The following ST8SIA5 variants were observed in gnomAD, a reference collection of about 807,000 sequenced individuals.
ST8SIA5 encodes ST8 alpha-N-acetyl-neuraminide alpha-2,8-sialyltransferase 5.
ST8SIA5 carries 24 observed loss-of-function variants against 40.2 expected under a neutral mutation model. That is an observed-to-expected ratio of 0.60 (90% confidence interval 0.43 to 0.84). ST8SIA5 has a LOEUF of 0.84. ST8SIA5 is among the 40% of genes least tolerant of loss of function. The pLI is 0.00. For synonymous variants in ST8SIA5, 198 were observed against 201.8 expected (o/e 0.98, Z 0.16); for missense variants, 465 against 498.5 (o/e 0.93, Z 0.64).
At chr18:46,723,925 TA>T (rs879694921) in intron 1 of ST8SIA5, among the ~76,000 whole-genome samples, 361 of 140,658 alleles carry the variant, frequency 2.6e-3, no homozygotes, top group Middle Eastern at 3.6e-3. Flanking sequence ...AAACTCCATC[TA>T]AAAAAAAAAA....
chr18:46,673,861 T>C lies in ST8SIA5; in HGVS notation c.*6181A>G, dbSNP rs1210539782. 1 of 152,266 alleles carries C rather than the reference T, an allele frequency of 6.6e-6. No homozygotes were observed. The highest frequency in any genetic ancestry group is 2.4e-5 in the African/African-American group (1 of 41,440). 9.4% of individuals were successfully genotyped at this position (152,266 alleles called of 1,614,324 possible). A position where few individuals can be genotyped will look rare whatever the true frequency, so the allele number is the denominator to read the frequency against. ...ATAGCACAAGGCACACCCTGGCCACTGGTGCACCCCTCGCCTGGCCTCACC... is the reference window on the plus strand; with the variant it reads ...ATAGCACAAGGCACACCCTGGCCACCGGTGCACCCCTCGCCTGGCCTCACC... On this transcript the variant is annotated 3_prime_UTR_variant, in exon 7 of 7. Transcript: ENST00000315087.
intron 5 of ST8SIA5, 42 bp downstream of exon 5, chr18:46,686,132 G>A: frequency 6.3e-7 from 1 of 1,578,388 alleles, no homozygotes; most frequent in Non-Finnish European, 8.7e-7. Flanking sequence ...GGAGGAGAGG[G>A]CCATGGGGTA....
chr18:46,715,728 C>T (rs906699800), intron 1 of ST8SIA5, among the ~76,000 whole-genome samples: 2 of 151,990 alleles, frequency 1.3e-5, no homozygotes, highest in African/African-American at 4.8e-5. Flanking sequence ...TACAAGCATG[C>T]ACCACCATGT....
rs533621747 is a variant in ST8SIA5 at position 46,693,119 on chromosome 18, C to T, written c.225-864G>A. Reference sequence around the variant, plus strand: ...TGTTTCTAGGGATCTGTGAGTATAACGTCTTACTTCATGATGGTCATTTTC... The same window carrying T: ...TGTTTCTAGGGATCTGTGAGTATAATGTCTTACTTCATGATGGTCATTTTC... On this transcript the variant is annotated intron_variant, in intron 2 of 6. Coordinates refer to ENST00000315087, the MANE Select transcript of ST8SIA5 (RefSeq NM_013305.6). 2.6e-3 allele frequency among the ~76,000 whole-genome samples: 399 copies of T among 152,086 alleles called. 22 individuals carry two copies. The highest frequency in any genetic ancestry group is 1.8e-3 in the Non-Finnish European group (119 of 67,974).
At chr18:46,723,379 C>T (rs1294467588) in intron 1 of ST8SIA5, among the ~76,000 whole-genome samples, 2 of 151,952 alleles carry the variant, frequency 1.3e-5, no homozygotes, top group East Asian at 3.9e-4. Context: ...TGGTGAAACC[C>T]CATCTCTACA....
chr18:46,717,461 G>T (rs756483447), intron 1 of ST8SIA5, among the ~76,000 whole-genome samples: 1 of 152,066 alleles, frequency 6.6e-6, no homozygotes, highest in Non-Finnish European at 1.5e-5. Context: ...TCAGCCGCCC[G>T]AGTAGCTGGG....
rs894622949 is a variant in ST8SIA5, at chr18:46,668,618, T to C, written c.*11424A>G. 2.0e-5 allele frequency: 3 copies of C among 152,140 alleles called. No homozygotes were observed. Among genetic ancestry groups the C allele is most frequent in the African/African-American group, 4.8e-5 (2 of 41,426 alleles). The allele number at this position is 152,140 out of a possible 1,614,324, so 9.4% of individuals were successfully genotyped here. On this transcript the variant is annotated 3_prime_UTR_variant, in exon 7 of 7. Coordinates refer to ENST00000315087, the MANE Select transcript of ST8SIA5 (RefSeq NM_013305.6). ...ATTTTTAAGAAAATACATAGACAAA[T>C]GCATATATTTCAAAGTTCAAACAAT... is the stretch of plus-strand genomic sequence containing the variant.
chr18:46,730,485 AG>A (rs1344281768), intron 1 of ST8SIA5: 1 of 153,568 alleles, frequency 6.5e-6, no homozygotes, highest in Non-Finnish European at 1.4e-5. Context: ...TTGATGGACA[AG>A]GTGAGAAGTC....
chr18:46,680,451 T>G lies in ST8SIA5; in HGVS notation c.722A>C (p.Asn241Thr). 6.2e-7 allele frequency: 1 copy of G among 1,609,798 alleles called. No individual in the cohort carries two copies. The highest frequency in any genetic ancestry group is 8.5e-7 in the Non-Finnish European group (1 of 1,177,856). Residue 241 changes from asparagine to threonine, a missense_variant, in exon 7 of 7, where the codon AAC (asparagine) becomes ACC (threonine). Physicochemically the swap from Asn to Thr is moderately conservative, Grantham distance 65. Coordinates refer to ENST00000315087, the MANE Select transcript of ST8SIA5 (RefSeq NM_013305.6). ...GAAGGCAGGCAGCAGCACCGACGCG[T>G]TCTCGTACACCTGCAGCACGCGATA... ...PFYRVLQVYE[N>T]ASVLLPAFYN...
intron 1 of ST8SIA5, among the ~76,000 whole-genome samples, chr18:46,708,150 G>A (rs1216892974): frequency 3.3e-5 from 5 of 152,140 alleles, no homozygotes; most frequent in Non-Finnish European, 4.4e-5. Flanking sequence ...TCTTTGTCCC[G>A]CCACTAAAGA....
At chr18:46,740,704 A>G (rs534296914) in intron 1 of ST8SIA5, among the ~76,000 whole-genome samples, 41 of 152,326 alleles carry the variant, frequency 2.7e-4, no homozygotes, top group South Asian at 1.2e-3. Flanking sequence ...CAAGATATTG[A>G]AAATACATCT....
intron 2 of ST8SIA5, among the ~76,000 whole-genome samples, chr18:46,692,878 C>T (rs2039521225): frequency 8.3e-6 from 1 of 120,070 alleles, no homozygotes; most frequent in Admixed American, 9.1e-5. Flanking sequence ...ACCCCCCACC[C>T]TAATCATCCC....
rs1432932011 is a variant in ST8SIA5, at chr18:46,704,569, C to T, written c.224+3G>A. On this transcript the variant is annotated splice_donor_region_variant and intron_variant, in intron 2 of 6. Transcript: ENST00000315087. ...TGCACCCACCACAAATGGCCACACT[C>T]ACATGGACAGCACCTTCACTTCCAA... is the stretch of plus-strand genomic sequence containing the variant. 1 of 1,613,750 alleles carries T rather than the reference C, an allele frequency of 6.2e-7. No individual in the cohort carries two copies. The highest frequency in any genetic ancestry group is 2.2e-5 in the East Asian group (1 of 44,866).
intron 6 of ST8SIA5, 116 bp from the exon 7 acceptor site, chr18:46,680,626 C>T: frequency 9.4e-7 from 1 of 1,065,656 alleles, no homozygotes; most frequent in South Asian, 1.7e-5. Context: ...CATAAGGCCA[C>T]CTGCCTCCTG....
intron 2 of ST8SIA5, among the ~76,000 whole-genome samples, chr18:46,696,848 G>C (rs1417745281): frequency 6.6e-6 from 1 of 152,190 alleles, no homozygotes; most frequent in Non-Finnish European, 1.5e-5. Context: ...CTCAGTAGAA[G>C]AGAAATTTCA....
intron 4 of ST8SIA5, among the ~76,000 whole-genome samples, chr18:46,686,684 C>T (rs1022766792): frequency 2.6e-5 from 4 of 152,104 alleles, no homozygotes; most frequent in East Asian, 3.9e-4. Flanking sequence ...GGGACTTCTG[C>T]GGGAGACTGT....
intron 1 of ST8SIA5, among the ~76,000 whole-genome samples, chr18:46,725,836 C>A (rs2039912374): frequency 6.6e-6 from 1 of 150,484 alleles, no homozygotes; most frequent in African/African-American, 2.4e-5. Flanking sequence ...AAAAACATTT[C>A]ATGGCTGGGC....
intron 1 of ST8SIA5, among the ~76,000 whole-genome samples, chr18:46,717,343 CT>C (rs112669935): frequency 0.013 from 1,930 of 150,402 alleles, 38 homozygotes; most frequent in African/African-American, 0.045. Context: ...CCCGTCTCTA[CT>C]TTTTTTTTTA....
At chr18:46,703,091 G>T (rs115244586) in intron 2 of ST8SIA5, among the ~76,000 whole-genome samples, 2,573 of 152,346 alleles carry the variant, frequency 0.017, 89 homozygotes, top group African/African-American at 0.059. Flanking sequence ...GAACACCTAT[G>T]ATGTGCGCTA....
Sources: allele counts gnomAD v4.1 joint callset (sites outside exome capture counted in the v4.1 genomes callset), GRCh38; gene constraint gnomAD v4.1.1; transcripts MANE v1.5; gene names NCBI Gene and HGNC (gene_info 2026-07-23, HGNC 2026-07-21).